Variants in SRP54 observed in about 807,000 individuals in gnomAD.
SRP54 encodes the protein signal recognition particle subunit SRP54.
A neutral mutation model predicts 64.8 loss-of-function variants in SRP54; 10 were observed. The ratio of observed to expected loss-of-function variants is 0.15; its 90% CI spans 0.10 to 0.26. The LOEUF is 0.26. Ranked by LOEUF, SRP54 falls within the 10% of genes least tolerant of loss-of-function variation. The pLI, the probability that SRP54 is intolerant of heterozygous loss-of-function variation, is 1.00. For missense variants in SRP54, 325 were observed against 613.7 expected (o/e 0.53, Z 4.97); for synonymous variants, 193 against 185.6 (o/e 1.04, Z -0.32).
chr14:35,027,473 G>A (rs2044650879), intron 14 of SRP54, among the ~76,000 whole-genome samples: 1 of 152,102 alleles, frequency 6.6e-6, no homozygotes, highest in South Asian at 2.1e-4. Context: ...AAAACTGCTG[G>A]CTGACCAGGT....
At chr14:34,989,539 T>A (rs799482) in intron 1 of SRP54, among the ~76,000 whole-genome samples, 30,742 of 152,144 alleles carry the variant, frequency 0.2, 3,699 homozygotes, top group Non-Finnish European at 0.28. Context: ...CATTAGACTC[T>A]GTTTATATAA....
At chr14:35,027,122 C>T (rs1454089758) in intron 14 of SRP54, among the ~76,000 whole-genome samples, 2 of 151,496 alleles carry the variant, frequency 1.3e-5, no homozygotes, top group African/African-American at 2.4e-5. Flanking sequence ...CTCCGCCTCC[C>T]GGATTCAAGC....
chr14:35,010,306 C>T (rs2044335117), intron 7 of SRP54, among the ~76,000 whole-genome samples: 1 of 151,742 alleles, frequency 6.6e-6, no homozygotes, highest in Non-Finnish European at 1.5e-5. Flanking sequence ...AATAACTGGA[C>T]GTGGTGGCGT....
rs1158428389 is a variant in SRP54, at chr14:35,013,811, C to T, written c.795C>T (p.Ala265=). 6.2e-7 allele frequency: 1 copy of T among 1,607,772 alleles called. No individual in the cohort carries two copies. The highest frequency in any genetic ancestry group is 8.5e-7 in the Non-Finnish European group (1 of 1,178,316). The change falls in exon 10 of 16, where the codon GCC becomes GCT. Residue 265 remains alanine, a synonymous_variant. Coordinates refer to ENST00000216774, the MANE Select transcript of SRP54 (RefSeq NM_003136.4). ...TTCTTTTTTTTTCCAGAGTCGCTGC[C>T]ACAAAAAGTCCGATTATTTTCATTG... is the stretch of plus-strand genomic sequence containing the variant. ...KGGGALSAVA[A]TKSPIIFIGT...
At chr14:35,007,442 C>T in intron 5 of SRP54, 55 bp downstream of exon 5, 1 of 1,109,674 alleles carries the variant, frequency 9.0e-7, no homozygotes, top group Admixed American at 2.4e-5. Flanking sequence ...TTGTATAAAT[C>T]AAGTTTTGTA....
At chr14:35,010,079 C>T (rs571932051) in intron 7 of SRP54, among the ~76,000 whole-genome samples, 3 of 151,232 alleles carry the variant, frequency 2.0e-5, no homozygotes, top group African/African-American at 4.9e-5. Flanking sequence ...ATCTGGGAGG[C>T]GAAGGTTGCA....
chr14:35,001,527 C>CA (rs1157771219), intron 4 of SRP54, among the ~76,000 whole-genome samples: 2 of 152,016 alleles, frequency 1.3e-5, no homozygotes, highest in African/African-American at 2.4e-5. Flanking sequence ...ACTATTCCTG[C>CA]AAAAAATGCC....
intron 11 of SRP54, among the ~76,000 whole-genome samples, chr14:35,016,845 C>CTTTTTT (rs869140791): frequency 3.0e-5 from 2 of 67,754 alleles, no homozygotes; most frequent in South Asian, 4.8e-4. Context: ...TTTTTCTTTT[C>CTTTTTT]TTTTTTTTTT....
chr14:35,016,947 C>T (rs1463427782), intron 11 of SRP54, among the ~76,000 whole-genome samples: 2 of 150,202 alleles, frequency 1.3e-5, no homozygotes, highest in Admixed American at 6.7e-5. Flanking sequence ...CTCCGCCTCC[C>T]AGTTTGAAGC....
intron 4 of SRP54, among the ~76,000 whole-genome samples, chr14:35,007,034 A>T (rs1016492406): frequency 1.1e-4 from 16 of 152,160 alleles, no homozygotes; most frequent in Admixed American, 2.0e-4. Context: ...ACAAAAAAAA[A>T]TTTTTTTAGT....
chr14:35,014,283 T>G lies in SRP54; in HGVS notation c.886+381T>G, dbSNP rs929551522. ...TGTTTGTTGCCACTTAACTTTTTTT[T>G]TTTTTTTTTTTGAGACGGAGTTTCG... On this transcript the variant is annotated intron_variant, in intron 10 of 15. Coordinates refer to ENST00000216774, the MANE Select transcript of SRP54 (RefSeq NM_003136.4). Among the ~76,000 whole-genome samples the G allele has an allele frequency of 1.0e-4, 14 of 133,492 alleles. No homozygotes were observed. The South Asian group carries it at 3.7e-3, about 36-fold the overall frequency. The allele number at this position is 133,492 out of a possible 152,430, so 87.6% of individuals were successfully genotyped here. A position where few individuals can be genotyped will look rare whatever the true frequency, so the allele number is the denominator to read the frequency against.
At chr14:35,028,237 G>A in intron 15 of SRP54, 54 bp downstream of exon 15, 1 of 1,111,008 alleles carries the variant, frequency 9.0e-7, no homozygotes, top group Non-Finnish European at 1.3e-6. Context: ...TAAGGGTTGA[G>A]TTTTAATGAT....
intron 14 of SRP54, 70 bp from the exon 15 acceptor site, chr14:35,028,018 A>G (rs1383338495): frequency 1.7e-5 from 16 of 956,322 alleles, no homozygotes; most frequent in Middle Eastern, 4.4e-4. Context: ...CAAACTTTCT[A>G]TTATACCCTG....
chr14:35,023,613 G>A (rs2044570949), intron 14 of SRP54, among the ~76,000 whole-genome samples: 1 of 151,964 alleles, frequency 6.6e-6, no homozygotes, highest in Non-Finnish European at 1.5e-5. Context: ...GTGAAACCCT[G>A]CCTCTACTTA....
intron 11 of SRP54, among the ~76,000 whole-genome samples, chr14:35,015,223 C>T (rs991757610): frequency 9.2e-5 from 14 of 152,046 alleles, no homozygotes; most frequent in African/African-American, 2.4e-4. Flanking sequence ...ATTACGGGCA[C>T]GTACCACCAG....
Position 34,999,562 on chromosome 14 carries a change from T to C in SRP54, c.83T>C (p.Leu28Ser), listed in dbSNP as rs766140384. The change falls in exon 3 of 16, where the codon TTG (leucine) becomes TCG (serine). Residue 28 changes from leucine to serine, a missense_variant. Physicochemically the swap from Leu to Ser is moderately radical, Grantham distance 145. Around this residue, in one of 3 missense-constraint regions of SRP54, gnomAD observed 156 missense variants for 254.6 expected, o/e 0.61. Transcript: ENST00000216774. ...CATTTATTTCTTTATTTTCAGGTAT[T>C]GAATGCTATGCTAAAAGAAGTCTGT... is the stretch of plus-strand genomic sequence containing the variant. ...SNATIINEEV[L>S]NAMLKEVCTA... 1 of 1,609,464 alleles carries C rather than the reference T, an allele frequency of 6.2e-7. No homozygotes were observed.
At chr14:34,983,539 CTT>C (rs1348795646) in intron 1 of SRP54, among the ~76,000 whole-genome samples, 1 of 152,162 alleles carries the variant, frequency 6.6e-6, no homozygotes, top group Admixed American at 6.6e-5. Flanking sequence ...TTGTACGAGA[CTT>C]TTATTTTTCC....
At chr14:34,998,388 TATG>T (rs1437290764) in intron 2 of SRP54, among the ~76,000 whole-genome samples, 8 of 152,078 alleles carry the variant, frequency 5.3e-5, no homozygotes, top group South Asian at 2.1e-4. Flanking sequence ...TCAACAAACA[TATG>T]ATGATAATAA....
intron 1 of SRP54, among the ~76,000 whole-genome samples, chr14:34,984,655 C>A (rs2043866136): frequency 6.6e-6 from 1 of 152,176 alleles, no homozygotes; most frequent in Non-Finnish European, 1.5e-5. Context: ...GTGCCTGCCA[C>A]CACGCCCAGC....
Sources: gnomAD v4.1 joint callset for allele counts (sites outside exome capture counted in the v4.1 genomes callset) on GRCh38, gnomAD v4.1.1 for gene constraint, gnomAD v4.1.1 regional missense constraint, MANE v1.5 for transcripts, NCBI Gene and HGNC (gene_info 2026-07-23, HGNC 2026-07-21) for gene names.